SPMIP8: variants seen among roughly 807,000 people sequenced by gnomAD.
SPMIP8 encodes the protein testicular tissue protein Li 196.
At chr16:57,977,770 C>A in the SPMIP8 span, 18 of 1,578,738 alleles carry the variant, frequency 1.1e-5, no homozygotes, top group Non-Finnish European at 1.4e-5. Flanking sequence ...GGTGTCTGGC[C>A]AGCATGAGCC....
chr16:57,981,508 T>A, the SPMIP8 span, among the ~76,000 whole-genome samples: 4 of 15,348 alleles, frequency 2.6e-4, no homozygotes, highest in East Asian at 3.5e-3. Context: ...TCTCTTTTTT[T>A]TTTTTTTTTT....
chr16:57,982,751 C>T, the SPMIP8 span, among the ~76,000 whole-genome samples: 1 of 152,146 alleles, frequency 6.6e-6, no homozygotes, highest in African/African-American at 2.4e-5. Flanking sequence ...AACAGTAGGC[C>T]GGGCGCAGTG....
At chr16:57,985,139 G>T in the SPMIP8 span, 56 of 1,388,222 alleles carry the variant, frequency 4.0e-5, 1 homozygote, top group Admixed American at 1.3e-3. Context: ...GCGGGGCTTA[G>T]ATGAGGAGGC....
chr16:57,987,801 C>T, the SPMIP8 span: 4 of 216,148 alleles, frequency 1.9e-5, no homozygotes, highest in African/African-American at 6.8e-5. Context: ...TGCAGCCCCA[C>T]ACCCAAGCCC....
the SPMIP8 span, among the ~76,000 whole-genome samples, chr16:57,980,216 A>T: frequency 6.6e-6 from 1 of 152,182 alleles, no homozygotes; most frequent in East Asian, 1.9e-4. Flanking sequence ...GTTGGGTAAG[A>T]GCTTTATGTT....
At chr16:57,984,388 T>G in the SPMIP8 span, 1 of 1,614,026 alleles carries the variant, frequency 6.2e-7, no homozygotes, top group South Asian at 1.1e-5. Context: ...GCCCTGCCCT[T>G]GGGTTTGCTA....
chr16:57,985,039 G>A, the SPMIP8 span: 5 of 1,086,282 alleles, frequency 4.6e-6, no homozygotes, highest in Non-Finnish European at 6.4e-6. Flanking sequence ...CTTCGGGCCG[G>A]GGGCTTTGCC....
At chr16:57,986,090 T>C in the SPMIP8 span, 1 of 999,586 alleles carries the variant, frequency 1.0e-6, no homozygotes, top group Non-Finnish European at 1.4e-6. Context: ...CGCGAGCTGC[T>C]TCGCTCTGGA....
At chr16:57,984,415 A>G in the SPMIP8 span, 27 of 1,580,870 alleles carry the variant, frequency 1.7e-5, no homozygotes, top group Admixed American at 2.1e-4. Flanking sequence ...ACCAGCCCCA[A>G]GCACCTCTGG....
chr16:57,987,295 G>A, the SPMIP8 span: 3 of 1,253,236 alleles, frequency 2.4e-6, no homozygotes, highest in Non-Finnish European at 3.1e-6. Context: ...CCACATAGAG[G>A]CTGGCTGGAA....
At chr16:57,978,718 T>G in the SPMIP8 span, among the ~76,000 whole-genome samples, 1 of 151,974 alleles carries the variant, frequency 6.6e-6, no homozygotes, top group Non-Finnish European at 1.5e-5. Flanking sequence ...CAGGCTCAAA[T>G]GATCCTCCCA....
chr16:57,983,505 A>G, the SPMIP8 span, among the ~76,000 whole-genome samples: 1 of 152,176 alleles, frequency 6.6e-6, no homozygotes, highest in Non-Finnish European at 1.5e-5. Flanking sequence ...CAAGATTATA[A>G]AAGAATTTGC....
the SPMIP8 span, chr16:57,985,455 C>T: frequency 6.2e-7 from 1 of 1,613,668 alleles, no homozygotes; most frequent in Non-Finnish European, 8.5e-7. Context: ...CGACTCACCG[C>T]GCCCCTATCC....
chr16:57,982,272 C>T, the SPMIP8 span, among the ~76,000 whole-genome samples: 2 of 152,174 alleles, frequency 1.3e-5, no homozygotes, highest in Admixed American at 1.3e-4. Flanking sequence ...CCCAATTGCC[C>T]TCAAAGATGT....
the SPMIP8 span, chr16:57,985,036 CCGG>C: frequency 9.3e-7 from 1 of 1,076,146 alleles, no homozygotes; most frequent in Non-Finnish European, 1.3e-6. Context: ...AGCCTTCGGG[CCGG>C]GGGCTTTGCC....
the SPMIP8 span, chr16:57,987,423 T>C: frequency 8.9e-5 from 142 of 1,596,188 alleles, no homozygotes; most frequent in African/African-American, 1.8e-3. Context: ...CCCCCTGGCA[T>C]TAATCTCTGG....
the SPMIP8 span, chr16:57,988,046 T>C: frequency 1.3e-5 from 2 of 152,276 alleles, no homozygotes; most frequent in African/African-American, 4.8e-5. Flanking sequence ...ATGAGATGCA[T>C]GAAGCCACTC....
At chr16:57,985,261 C>T in the SPMIP8 span, 1 of 1,559,020 alleles carries the variant, frequency 6.4e-7, no homozygotes, top group Non-Finnish European at 8.7e-7. Context: ...TGACCCAGAC[C>T]TGGCGGGTAG....
the SPMIP8 span, among the ~76,000 whole-genome samples, chr16:57,980,929 G>A: frequency 6.6e-6 from 1 of 152,044 alleles, no homozygotes; most frequent in South Asian, 2.1e-4. Flanking sequence ...TGCCAGGGCT[G>A]GTCTCCAACT....
Sources: gnomAD v4.1 joint callset for allele counts (sites outside exome capture counted in the v4.1 genomes callset) on GRCh38, gnomAD v4.1.1 for gene constraint, MANE v1.5 for transcripts, NCBI Gene and HGNC (gene_info 2026-07-23, HGNC 2026-07-21) for gene names.